The following UMODL1 variants were observed in gnomAD, a reference collection of about 807,000 sequenced individuals.
UMODL1 encodes the protein uromodulin like 1, also known as uromodulin-like 1.
Under a neutral mutation model 136.3 loss-of-function variants are expected in UMODL1, and 128 were observed. The observed-to-expected ratio is 0.94, with a 90% CI of 0.81 to 1.09. The LOEUF (loss-of-function observed/expected upper bound fraction) is 1.09, where lower values mean the gene tolerates loss of function less well. Among genes scored for constraint, UMODL1 ranks in the 50% least tolerant of loss-of-function variants. UMODL1 has a pLI of 0.00. For missense variants in UMODL1, 1,766 were observed against 1,725.6 expected (o/e 1.02, Z -0.41); for synonymous variants, 721 against 720.0 (o/e 1.00, Z -0.02).
Position 42,084,952 on chromosome 21 carries a change from A to G in UMODL1, c.482-339A>G, listed in dbSNP as rs112916876. Among the ~76,000 whole-genome samples, 131 of 149,846 alleles carry G rather than the reference A, an allele frequency of 8.7e-4. 6 individuals are homozygous for G. The highest frequency in any genetic ancestry group is 3.1e-3 in the African/African-American group (121 of 39,296). On this transcript the variant is annotated intron_variant, in intron 3 of 22. Transcript: ENST00000408910. ...ATGACAAAGTATAAAGTAATTTTCT[A>G]TATCAACATACTATGACAGTATAAT...
intron 22 of UMODL1, among the ~76,000 whole-genome samples, chr21:42,140,095 G>GC (rs1316267098): frequency 1.3e-5 from 2 of 152,168 alleles, no homozygotes; most frequent in African/African-American, 4.8e-5. Context: ...ACTACACTTT[G>GC]CTGAGTTGTT....
upstream of UMODL1, among the ~76,000 whole-genome samples, chr21:42,069,685 A>G (rs918439331): frequency 1.3e-5 from 2 of 152,212 alleles, no homozygotes. Context: ...ACGAATTTTG[A>G]GTTTTAACCT....
chr21:42,077,759 A>G (rs1470374515), intron 2 of UMODL1, among the ~76,000 whole-genome samples: 1 of 152,194 alleles, frequency 6.6e-6, no homozygotes, highest in Non-Finnish European at 1.5e-5. Flanking sequence ...TAGCTAAGGG[A>G]GAGTCCATTC....
rs73223556 is a variant in UMODL1, at chr21:42,139,396, G to C, written c.*21+1755G>C. ...AGATGTTTAATCAACCAGATCTTAT[G>C]AGAGCTCTATCGTGAGACAGCACCA... On this transcript the variant is annotated intron_variant, in intron 22 of 22. Coordinates refer to ENST00000408910, the MANE Select transcript of UMODL1 (RefSeq NM_001004416.3). Among the ~76,000 whole-genome samples the C allele has an allele frequency of 6.2e-3, 949 of 152,274 alleles. 7 individuals carry two copies. The highest frequency in any genetic ancestry group is 0.011 in the Non-Finnish European group (738 of 68,024).
chr21:42,138,472 C>T (rs1403187127), intron 22 of UMODL1, among the ~76,000 whole-genome samples: 1 of 152,166 alleles, frequency 6.6e-6, no homozygotes, highest in African/African-American at 2.4e-5. Context: ...CCTGGGCCTG[C>T]ACATAGTTCA....
chr21:42,111,193 C>G, intron 11 of UMODL1, 72 bp downstream of exon 11: 2 of 1,537,584 alleles, frequency 1.3e-6, no homozygotes, highest in South Asian at 1.2e-5. Context: ...GCCAGGGGAG[C>G]CCCAGCCAGG....
rs1555922532 is a variant in UMODL1 at position 42,095,089 on chromosome 21, G to GGTTTTTTTTTTTTTTTTTTTTTTTTTTT, written c.932-3837_932-3836insGTTTTTTTTTTTTTTTTTTTTTTTTTTT. On this transcript the variant is annotated intron_variant, in intron 6 of 22. Coordinates refer to ENST00000408910, the MANE Select transcript of UMODL1 (RefSeq NM_001004416.3). Reference sequence around the variant, plus strand: ...CATCACTCCTTTGTTTTCTTCTGCTGTTTTTTTTTTTTTTTTTTTTTTTGA... The same window carrying GGTTTTTTTTTTTTTTTTTTTTTTTTTTT: ...CATCACTCCTTTGTTTTCTTCTGCTGGTTTTTTTTTTTTTTTTTTTTTTTTTTTTTTTTTTTTTTTTTTTTTTTTTTGA... 8.2e-5 allele frequency among the ~76,000 whole-genome samples: 5 copies of GGTTTTTTTTTTTTTTTTTTTTTTTTTTT among 61,186 alleles called. 1 individual carries two copies. The highest frequency in any genetic ancestry group is 2.9e-5 in the Non-Finnish European group (1 of 34,348). The allele number at this position is 61,186 out of a possible 152,430, so 40.1% of individuals were successfully genotyped here. A position where few individuals can be genotyped will look rare whatever the true frequency, so the allele number is the denominator to read the frequency against.
chr21:42,081,471 C>A (rs539851721), intron 2 of UMODL1, among the ~76,000 whole-genome samples: 3 of 152,128 alleles, frequency 2.0e-5, no homozygotes, highest in Non-Finnish European at 4.4e-5. Context: ...ACTTGTTCAG[C>A]GTTCTCAGGG....
At chr21:42,113,184 A>C (rs1378470519) in intron 12 of UMODL1, 1 of 169,720 alleles carries the variant, frequency 5.9e-6, no homozygotes, top group Non-Finnish European at 1.3e-5. Context: ...CAGCATTGTC[A>C]CCAATGTCAA....
At chr21:42,109,816 C>A (rs894066287) in intron 10 of UMODL1, 117 bp downstream of exon 10, 5 of 1,100,104 alleles carry the variant, frequency 4.5e-6, no homozygotes, top group Non-Finnish European at 6.3e-6. Flanking sequence ...ATGTTAGGGG[C>A]CTACAGAAAT....
At position 42,103,972 on chromosome 21, in the gene UMODL1, G is replaced by C. The variant is rs1189820458; in HGVS notation, c.1404G>C (p.Lys468Asn). 6.2e-7 allele frequency: 1 copy of C among 1,614,128 alleles called. No homozygotes were observed. The highest frequency in any genetic ancestry group is 1.7e-5 in the Admixed American group (1 of 60,022). The part of the protein sequence containing the change: ...LQAGSVVVRL[K>N]LTVQDPGFPM... ...CGGGAAGTGTGGTCGTGAGGCTCAA[G>C]CTCACCGTGCAGGACCCCGGGTTTC... The change falls in exon 9 of 23, where the codon AAG becomes AAC. Residue 468 changes from lysine (K) to asparagine (N), a missense_variant. Coordinates refer to ENST00000408910, the MANE Select transcript of UMODL1 (RefSeq NM_001004416.3).
At chr21:42,075,242 G>GT (rs147891928) in intron 1 of UMODL1, among the ~76,000 whole-genome samples, 4 of 71,236 alleles carry the variant, frequency 5.6e-5, no homozygotes, top group Non-Finnish European at 6.4e-5. Flanking sequence ...TGCTGGAGAT[G>GT]GGGGGGGGGT....
intron 6 of UMODL1, among the ~76,000 whole-genome samples, chr21:42,095,386 C>T (rs1401171133): frequency 1.3e-5 from 2 of 152,114 alleles, no homozygotes; most frequent in Non-Finnish European, 2.9e-5. Context: ...TGAGCCACCA[C>T]GCCCAGCCCT....
intron 2 of UMODL1, among the ~76,000 whole-genome samples, chr21:42,080,254 T>C (rs956262817): frequency 6.6e-6 from 1 of 152,246 alleles, no homozygotes; most frequent in African/African-American, 2.4e-5. Context: ...ACCGTGACTC[T>C]GATTTGTACA....
At position 42,126,478 on chromosome 21, in the gene UMODL1, C is replaced by T. The variant is rs373108386; in HGVS notation, c.3281C>T (p.Thr1094Ile). ...QNDLLTSSGF[T>I]LEWGVYTIIE... ...GACCTGCTGACATCCTCCGGCTTCACCCTGGAGTGGGGGTAAGGGAGAAAT... is the reference window on the plus strand; with the variant it reads ...GACCTGCTGACATCCTCCGGCTTCATCCTGGAGTGGGGGTAAGGGAGAAAT... Residue 1094 changes from threonine to isoleucine, a missense_variant, in exon 18 of 23, where the codon ACC (threonine) becomes ATC (isoleucine). Physicochemically the swap from Thr to Ile is moderately conservative, Grantham distance 89 (BLOSUM62 -1). Transcript: ENST00000408910. 4 of 1,614,246 alleles carry T rather than the reference C, an allele frequency of 2.5e-6. No homozygotes were observed. Among genetic ancestry groups the T allele is most frequent in the African/African-American group, 2.7e-5 (2 of 75,074 alleles).
chr21:42,123,031 G>T lies in UMODL1; in HGVS notation c.3028G>T (p.Glu1010Ter). The T allele has an allele frequency of 6.2e-7, 1 of 1,614,102 alleles. No individual in the cohort carries two copies. Among genetic ancestry groups the T allele is most frequent in the Non-Finnish European group, 8.5e-7 (1 of 1,180,030 alleles). The stretch of plus-strand genomic sequence containing the variant: ...CATCCAGAAGCGCTTCCTGCAGCAG[G>T]AATCCATCCCCGAGTCCTCGTTGTA... ...VAIQKRFLQQESIPESSLYLS... is the reference protein window; with the variant it reads ...VAIQKRFLQQ Residue 1010 changes from glutamate (E) to a stop codon, truncating the protein, a stop_gained, in exon 17 of 23, where the codon GAA (glutamate) becomes TAA (stop). Coordinates refer to ENST00000408910, the MANE Select transcript of UMODL1 (RefSeq NM_001004416.3). LOFTEE classifies it high-confidence loss of function. This position sits in a 1 kb window ranked among gnomAD's most constrained non-coding sequence, Gnocchi z 4.4.
intron 21 of UMODL1, among the ~76,000 whole-genome samples, chr21:42,132,449 C>T (rs1297185680): frequency 6.6e-6 from 1 of 152,040 alleles, no homozygotes; most frequent in Non-Finnish European, 1.5e-5. Context: ...ATTCAACTAT[C>T]ATCCATCTAT....
chr21:42,120,940 T>C, intron 15 of UMODL1, 147 bp from the exon 16 acceptor site: 1 of 1,025,676 alleles, frequency 9.7e-7, no homozygotes, highest in Non-Finnish European at 1.4e-6. Context: ...CCTCCTGTAC[T>C]TTCCAGAACT....
In UMODL1 at chr21:42,085,873, G is replaced by C. The variant is rs1490848405; in HGVS notation, c.603+461G>C. ...GCTGGAGAGCACCCTGGGGTCTGAT[G>C]GTTAGCAGCGCCCCTGGCCTCTCCA... On this transcript the variant is annotated intron_variant, in intron 4 of 22. Coordinates refer to ENST00000408910, the MANE Select transcript of UMODL1 (RefSeq NM_001004416.3). The surrounding 1 kb of genome is among the most constrained non-coding windows in gnomAD (Gnocchi z 4.5). Among the ~76,000 whole-genome samples, 2 of 152,114 alleles carry C rather than the reference G, an allele frequency of 1.3e-5. No homozygotes were observed. The highest frequency in any genetic ancestry group is 1.3e-4 in the Admixed American group (2 of 15,272).
Sources: allele counts gnomAD v4.1 joint callset (sites outside exome capture counted in the v4.1 genomes callset), GRCh38; gene constraint gnomAD v4.1.1; non-coding constraint Gnocchi (gnomAD v3.1); transcripts MANE v1.5; gene names NCBI Gene and HGNC (gene_info 2026-07-23, HGNC 2026-07-21).